FAT1: variants seen among roughly 807,000 people sequenced by gnomAD.
FAT1 encodes the protein FAT atypical cadherin 1.
FAT1 carries 171 observed loss-of-function variants against 329.8 expected under a neutral mutation model. The ratio of observed to expected loss-of-function variants is 0.52; its 90% CI spans 0.46 to 0.59. The LOEUF (loss-of-function observed/expected upper bound fraction) is 0.59, where lower values mean the gene tolerates loss of function less well. FAT1 is among the 20% of genes least tolerant of loss of function. The pLI is 0.00. For missense variants in FAT1, 5,672 were observed against 5,774.4 expected (o/e 0.98, Z 0.57); for synonymous variants, 2,233 against 2,228.6 (o/e 1.00, Z -0.06).
At chr4:186,724,375 C>T (rs190632611), upstream of FAT1, among the ~76,000 whole-genome samples, 1 of 152,204 alleles carries the variant, frequency 6.6e-6, no homozygotes, top group African/African-American at 2.4e-5. The surrounding 1 kb of genome is among the most constrained non-coding windows in gnomAD (Gnocchi z 5.3). Context: ...TCGGAATCTA[C>T]TTCCTCCTTC....
At chr4:186,629,422 G>A (rs984976850) in intron 7 of FAT1, among the ~76,000 whole-genome samples, 2 of 152,080 alleles carry the variant, frequency 1.3e-5, no homozygotes, top group South Asian at 2.1e-4. Context: ...AACCTTTAGA[G>A]GAAAAAAGCA....
intron 22 of FAT1, chr4:186,598,411 G>C: frequency 3.5e-6 from 1 of 284,952 alleles, no homozygotes. Flanking sequence ...TTACCTGAGT[G>C]ACCATGTACG....
intron 9 of FAT1, among the ~76,000 whole-genome samples, chr4:186,622,701 A>G (rs1353237075): frequency 6.6e-6 from 1 of 152,250 alleles, no homozygotes; most frequent in Non-Finnish European, 1.5e-5. Flanking sequence ...CAAAGAAACA[A>G]GCAGTTCTCT....
intron 3 of FAT1, among the ~76,000 whole-genome samples, chr4:186,648,176 G>C (rs1008024845): frequency 3.3e-5 from 5 of 152,142 alleles, no homozygotes; most frequent in African/African-American, 1.2e-4. Context: ...TAGCTGGAGG[G>C]AAGAGAGGAG....
chr4:186,612,130 A>T (rs1274635487), intron 13 of FAT1, among the ~76,000 whole-genome samples: 23 of 84,920 alleles, frequency 2.7e-4, no homozygotes, highest in African/African-American at 3.6e-4. Context: ...TTTTTTTTTT[A>T]AAAACCAAAC....
At chr4:186,716,560 T>C (rs1016798518) in intron 1 of FAT1, among the ~76,000 whole-genome samples, 1 of 152,034 alleles carries the variant, frequency 6.6e-6, no homozygotes, top group African/African-American at 2.4e-5. Context: ...CCGGGGTACC[T>C]GGGCGTACCA....
intron 2 of FAT1, among the ~76,000 whole-genome samples, chr4:186,673,244 C>G (rs544235042): frequency 1.3e-4 from 19 of 151,980 alleles, no homozygotes; most frequent in African/African-American, 4.3e-4. Flanking sequence ...TTTCTGTAAC[C>G]ATGGATTTAA....
intron 9 of FAT1, 60 bp from the exon 10 acceptor site, chr4:186,621,835 G>C (rs1284703978): frequency 3.1e-5 from 32 of 1,034,256 alleles, no homozygotes; most frequent in Non-Finnish European, 4.2e-5. Flanking sequence ...AGTAGTAGTA[G>C]TTAGAGAAAC....
intron 4 of FAT1, among the ~76,000 whole-genome samples, chr4:186,637,591 T>C (rs1740892121): frequency 6.6e-6 from 1 of 152,240 alleles, no homozygotes; most frequent in East Asian, 1.9e-4. Context: ...TCTTATATTC[T>C]ATTTAGGAAA....
intron 3 of FAT1, among the ~76,000 whole-genome samples, chr4:186,647,688 C>A (rs571796725): frequency 9.9e-5 from 15 of 152,136 alleles, no homozygotes; most frequent in Non-Finnish European, 2.1e-4. Context: ...CAGATACATA[C>A]CATTTTCACC....
rs1739000156 is a variant in FAT1 at position 186,604,518 on chromosome 4, A to G, written c.10407T>C (p.Ser3469=). The G allele has an allele frequency of 6.2e-7, 1 of 1,613,688 alleles. No individual in the cohort carries two copies. The stretch of plus-strand genomic sequence containing the variant: ...AGAAGAAGGGTGGACCGTTATGGGA[A>G]GAATCCTCATCTGTTACTACCAGCT... ...VLQLVVTDED[S]SHNGPPFFFT... The change falls in exon 18 of 27, where the codon TCT becomes TCC. Residue 3469 remains serine, a synonymous_variant. Transcript: ENST00000441802.
chr4:186,681,767 T>G (rs1476043335), intron 2 of FAT1, among the ~76,000 whole-genome samples: 3 of 152,132 alleles, frequency 2.0e-5, no homozygotes, highest in Non-Finnish European at 4.4e-5. Flanking sequence ...CAGCCCCAAA[T>G]GAAGAGCTAC....
chr4:186,702,798 C>G (rs965036882), intron 2 of FAT1, among the ~76,000 whole-genome samples: 1 of 152,158 alleles, frequency 6.6e-6, no homozygotes, highest in Admixed American at 6.5e-5. Context: ...AAGCTTACAA[C>G]AAAGCAACAG....
At chr4:186,611,175 A>C (rs1185094306) in intron 14 of FAT1, among the ~76,000 whole-genome samples, 1 of 152,194 alleles carries the variant, frequency 6.6e-6, no homozygotes, top group Non-Finnish European at 1.5e-5. Context: ...TTTTATAATG[A>C]ACATGCCCAA....
At chr4:186,628,841 G>T in intron 7 of FAT1, 78 bp from the exon 8 acceptor site, 1 of 1,389,788 alleles carries the variant, frequency 7.2e-7, no homozygotes, top group African/African-American at 1.4e-5. Context: ...ATGAACGAAA[G>T]TCATGTATAT....
chr4:186,632,706 C>G (rs1007968738), intron 7 of FAT1, among the ~76,000 whole-genome samples: 1 of 152,112 alleles, frequency 6.6e-6, no homozygotes, highest in South Asian at 2.1e-4. Context: ...ATTTATTAAT[C>G]GAAAAGACAT....
chr4:186,594,676 G>GTATATATATATATATA (rs60074549), intron 26 of FAT1, among the ~76,000 whole-genome samples: 1 of 128,352 alleles, frequency 7.8e-6, no homozygotes, highest in African/African-American at 2.9e-5. Flanking sequence ...ATACTTGAAA[G>GTATATATATATATATA]TATATATATA....
At chr4:186,637,530 A>C (rs1740889571) in intron 4 of FAT1, among the ~76,000 whole-genome samples, 1 of 152,202 alleles carries the variant, frequency 6.6e-6, no homozygotes, top group Non-Finnish European at 1.5e-5. Flanking sequence ...CAACTCATTA[A>C]ATAAGATTTT....
At chr4:186,590,308 G>A in intron 26 of FAT1, 1 of 1,113,222 alleles carries the variant, frequency 9.0e-7, no homozygotes, top group Admixed American at 2.3e-5. Context: ...CAGCACTGGG[G>A]CAAGGCTTGA....
Sources: allele counts gnomAD v4.1 joint callset (sites outside exome capture counted in the v4.1 genomes callset), GRCh38; gene constraint gnomAD v4.1.1; non-coding constraint Gnocchi (gnomAD v3.1); transcripts MANE v1.5; gene names NCBI Gene and HGNC (gene_info 2026-07-23, HGNC 2026-07-21).